GALNT1: variants seen among roughly 807,000 people sequenced by gnomAD.
GALNT1 encodes the protein GalNAc transferase 1.
A neutral mutation model predicts 65.7 loss-of-function variants in GALNT1; 17 were observed. The ratio of observed to expected loss-of-function variants is 0.26; its 90% CI spans 0.18 to 0.39. GALNT1 has a LOEUF of 0.39. Among genes scored for constraint, GALNT1 ranks in the 10% least tolerant of loss-of-function variants. The pLI, the probability that GALNT1 is intolerant of heterozygous loss-of-function variation, is 1.00. For missense variants in GALNT1, 460 were observed against 672.8 expected, an observed-to-expected ratio of 0.68 and a Z score of 3.50; for synonymous variants, 210 against 219.7, an observed-to-expected ratio of 0.96 and a Z score of 0.39.
At chr18:35,656,535 AGAG>A (rs2047388586) in intron 2 of GALNT1, among the ~76,000 whole-genome samples, 1 of 152,322 alleles carries the variant, frequency 6.6e-6, no homozygotes, top group East Asian at 1.9e-4. Context: ...GTTTGTTAGG[AGAG>A]GAGAAGACCT....
At chr18:35,676,369 CAGAA>C (rs2047710835) in intron 3 of GALNT1, among the ~76,000 whole-genome samples, 1 of 152,162 alleles carries the variant, frequency 6.6e-6, no homozygotes, top group South Asian at 2.1e-4. Context: ...TGTCTCCTGG[CAGAA>C]AGAAAGGACA....
chr18:35,603,680 A>G (rs1036647875), intron 1 of GALNT1, among the ~76,000 whole-genome samples: 3 of 152,104 alleles, frequency 2.0e-5, no homozygotes, highest in South Asian at 2.1e-4. Flanking sequence ...TTATCTCCCA[A>G]TCATGACTTC....
intron 2 of GALNT1, among the ~76,000 whole-genome samples, chr18:35,661,036 C>G (rs192357539): frequency 6.6e-6 from 1 of 151,978 alleles, no homozygotes; most frequent in African/African-American, 2.4e-5. Flanking sequence ...ACATTTTTGC[C>G]TGATTCTTTA....
At chr18:35,655,494 A>G (rs1288876747) in intron 2 of GALNT1, among the ~76,000 whole-genome samples, 2 of 151,494 alleles carry the variant, frequency 1.3e-5, no homozygotes, top group East Asian at 3.9e-4. Flanking sequence ...ATTTTTTAAA[A>G]AATTCTTTTT....
intron 1 of GALNT1, among the ~76,000 whole-genome samples, chr18:35,643,135 G>A (rs1314897354): frequency 2.0e-5 from 3 of 152,008 alleles, no homozygotes; most frequent in Admixed American, 6.6e-5. Context: ...AGAATCATGA[G>A]CCCGGCAGCC....
chr18:35,649,470 T>C (rs1306579366), intron 1 of GALNT1, among the ~76,000 whole-genome samples: 9 of 152,216 alleles, frequency 5.9e-5, no homozygotes, highest in Non-Finnish European at 1.3e-4. Context: ...GACTTATAAA[T>C]ATTTTCTCCC....
At chr18:35,656,287 A>G (rs2047384311) in intron 2 of GALNT1, among the ~76,000 whole-genome samples, 1 of 152,108 alleles carries the variant, frequency 6.6e-6, no homozygotes, top group Non-Finnish European at 1.5e-5. Context: ...TTTGACTTTT[A>G]TATGTGCTGG....
At chr18:35,624,024 T>C (rs1455175853) in intron 1 of GALNT1, among the ~76,000 whole-genome samples, 1 of 152,218 alleles carries the variant, frequency 6.6e-6, no homozygotes, top group Non-Finnish European at 1.5e-5. Context: ...TAACGAATAT[T>C]GATTCCTTGC....
chr18:35,646,843 G>A (rs1260990265), intron 1 of GALNT1, among the ~76,000 whole-genome samples: 1 of 152,180 alleles, frequency 6.6e-6, no homozygotes, highest in African/African-American at 2.4e-5. Flanking sequence ...TATCCAAGCA[G>A]CCATGGTAGC....
At chr18:35,644,135 C>T (rs1011479865) in intron 1 of GALNT1, among the ~76,000 whole-genome samples, 1 of 152,060 alleles carries the variant, frequency 6.6e-6, no homozygotes, top group Non-Finnish European at 1.5e-5. Context: ...GTTCTTCTGA[C>T]CTCTAAACTT....
chr18:35,704,913 G>A (rs2048231007), intron 11 of GALNT1, among the ~76,000 whole-genome samples: 1 of 152,076 alleles, frequency 6.6e-6, no homozygotes, highest in Admixed American at 6.5e-5. Context: ...CAAAGTGCTG[G>A]GATTACAGGC....
intron 1 of GALNT1, among the ~76,000 whole-genome samples, chr18:35,630,389 A>G (rs2046989863): frequency 1.3e-5 from 2 of 152,222 alleles, no homozygotes; most frequent in Admixed American, 1.3e-4. Context: ...AGAACTCAGG[A>G]TTAAGAAACT....
At chr18:35,621,138 T>G (rs1213726866) in intron 1 of GALNT1, among the ~76,000 whole-genome samples, 1 of 152,020 alleles carries the variant, frequency 6.6e-6, no homozygotes, top group East Asian at 1.9e-4. Flanking sequence ...CGTTCATATC[T>G]TTGGCCATTT....
At chr18:35,657,368 A>G (rs2047406799) in intron 2 of GALNT1, among the ~76,000 whole-genome samples, 1 of 152,228 alleles carries the variant, frequency 6.6e-6, no homozygotes, top group South Asian at 2.1e-4. Flanking sequence ...GGCTGGGATT[A>G]CAGGTGTGAA....
intron 1 of GALNT1, among the ~76,000 whole-genome samples, chr18:35,616,975 T>C (rs899315188): frequency 6.6e-6 from 1 of 152,186 alleles, no homozygotes; most frequent in Admixed American, 6.6e-5. Flanking sequence ...CCATAGATCC[T>C]GACTCATTTA....
At chr18:35,705,846 G>C (rs1399334473) in intron 11 of GALNT1, among the ~76,000 whole-genome samples, 1 of 152,176 alleles carries the variant, frequency 6.6e-6, no homozygotes, top group Non-Finnish European at 1.5e-5. Context: ...AATATTCTTA[G>C]CTTTTCCTTG....
chr18:35,645,218 G>GTTTTTTTTTTTTTTT (rs1166987925), intron 1 of GALNT1, among the ~76,000 whole-genome samples: 1 of 54,326 alleles, frequency 1.8e-5, no homozygotes, highest in Non-Finnish European at 3.4e-5. Flanking sequence ...TATTTTGAAT[G>GTTTTTTTTTTTTTTT]TTTTTTTTTT....
chr18:35,660,819 A>AATTAAT (rs1266670448), intron 2 of GALNT1, among the ~76,000 whole-genome samples: 1 of 152,190 alleles, frequency 6.6e-6, no homozygotes. Context: ...TTTTCTTATT[A>AATTAAT]ATAATTAGAG....
chr18:35,630,837 A>G, intron 1 of GALNT1, among the ~76,000 whole-genome samples: 1 of 152,232 alleles, frequency 6.6e-6, no homozygotes, highest in Non-Finnish European at 1.5e-5. Context: ...AGAGAGAAGA[A>G]TCAAATAGAC....
Sources: gnomAD v4.1 joint callset for allele counts (sites outside exome capture counted in the v4.1 genomes callset) on GRCh38, gnomAD v4.1.1 for gene constraint, MANE v1.5 for transcripts, NCBI Gene and HGNC (gene_info 2026-07-23, HGNC 2026-07-21) for gene names.